The following RALGAPB variants were observed in gnomAD, a reference collection of about 807,000 sequenced individuals.
The protein encoded by RALGAPB is ral GTPase-activating protein subunit beta.
In RALGAPB, 25 loss-of-function variants were observed where a neutral mutation model predicts 161.1. The observed-to-expected ratio is 0.16, with a 90% CI of 0.11 to 0.22. RALGAPB has a LOEUF of 0.22. Ranked by LOEUF, RALGAPB falls within the 10% of genes least tolerant of loss-of-function variation. RALGAPB has a pLI of 1.00. For missense variants in RALGAPB, 1,391 were observed against 1,815.2 expected, an observed-to-expected ratio of 0.77 and a Z score of 4.25; for synonymous variants, 629 against 626.1, an observed-to-expected ratio of 1.00 and a Z score of -0.07.
chr20:38,497,266 T>G, intron 3 of RALGAPB, 87 bp from the exon 4 acceptor site: 1 of 1,270,254 alleles, frequency 7.9e-7, no homozygotes, highest in Non-Finnish European at 1.1e-6. Context: ...ATTGGACCAC[T>G]GCTTGCTACA....
At chr20:38,572,550 T>A (rs915846225) in intron 28 of RALGAPB, among the ~76,000 whole-genome samples, 6 of 152,220 alleles carry the variant, frequency 3.9e-5, no homozygotes, top group African/African-American at 1.4e-4. Flanking sequence ...CTTTTAGTTA[T>A]GTGAGCTGAT....
rs757043875 is a variant in RALGAPB at position 38,539,949 on chromosome 20, T to G, written c.2553T>G (p.Leu851=). 2.5e-6 allele frequency: 4 copies of G among 1,607,522 alleles called. No individual in the cohort carries two copies. The East Asian group carries it at 8.9e-5, about 36-fold the overall frequency. ...CVWLTEHPDM[L]DEKDCLKEVL... is the part of the protein sequence containing the mutation. ...GGCTGACAGAGCACCCTGATATGCT[T>G]GATGAAAAGGTGAGTTTATTTTATT... The change falls in exon 17 of 30, where the codon CTT becomes CTG. Residue 851 remains leucine (L), a synonymous_variant. Transcript: ENST00000262879.
chr20:38,537,452 A>G (rs1188136770), intron 16 of RALGAPB, among the ~76,000 whole-genome samples: 1 of 152,184 alleles, frequency 6.6e-6, no homozygotes, highest in Non-Finnish European at 1.5e-5. Flanking sequence ...CTTTGTCTCT[A>G]TTACATAAAA....
chr20:38,526,704 C>T (rs1051688725), intron 13 of RALGAPB, among the ~76,000 whole-genome samples: 5 of 152,090 alleles, frequency 3.3e-5, no homozygotes, highest in African/African-American at 9.7e-5. Flanking sequence ...TTAAACTCCC[C>T]GCTTTTTACA....
At chr20:38,495,543 A>T (rs1365084207) in intron 3 of RALGAPB, among the ~76,000 whole-genome samples, 1 of 152,164 alleles carries the variant, frequency 6.6e-6, no homozygotes. Context: ...CTGTGTTCCA[A>T]TACAACTTCA....
chr20:38,491,566 G>A (rs894088973), intron 2 of RALGAPB, among the ~76,000 whole-genome samples: 11 of 152,138 alleles, frequency 7.2e-5, no homozygotes, highest in Admixed American at 1.3e-4. Flanking sequence ...CCCGTTTGCC[G>A]GAGAACTCTG....
Position 38,562,685 on chromosome 20 carries a change from G to C in RALGAPB, c.3685G>C (p.Gly1229Arg). 1.2e-6 allele frequency: 2 copies of C among 1,607,504 alleles called. No individual in the cohort carries two copies. The highest frequency in any genetic ancestry group is 1.7e-6 in the Non-Finnish European group (2 of 1,178,128). Residue 1229 changes from glycine (G) to arginine (R), a missense_variant, in exon 24 of 30, where the codon GGA (glycine) becomes CGA (arginine). This residue lies in a region of RALGAPB where 436 missense variants were observed against 527.0 expected (regional missense o/e 0.83). Coordinates refer to ENST00000262879, the MANE Select transcript of RALGAPB (RefSeq NM_020336.4). Reference sequence around the variant, plus strand: ...TATTAATTGTTGTGATGATGGTGAAGGATCTCAACAAGGTAAAACTCACAG... The same window carrying C: ...TATTAATTGTTGTGATGATGGTGAACGATCTCAACAAGGTAAAACTCACAG... ...WSINCCDDGE[G>R]SQQEVISSED...
Position 38,492,931 on chromosome 20 carries a change from TA to T in RALGAPB, c.192del (p.Lys64AsnfsTer6). The T allele has an allele frequency of 1.2e-6, 2 of 1,601,218 alleles. No homozygotes were observed. Among genetic ancestry groups the T allele is most frequent in the Non-Finnish European group, 1.7e-6 (2 of 1,168,574 alleles). Reference sequence around the variant, plus strand: ...ATATGGATATTTTCTTTTGTCTAGGTAAAATGGACCATGGAAGTAATTTGCT... The same window carrying T: ...ATATGGATATTTTCTTTTGTCTAGGTAAATGGACCATGGAAGTAATTTGCT... The part of the protein sequence containing the change: ...SENLLKTDKE[V>X]KWTMEVICYG... On this transcript the variant is annotated frameshift_variant and splice_region_variant, in exon 3 of 30. Coordinates refer to ENST00000262879, the MANE Select transcript of RALGAPB (RefSeq NM_020336.4). LOFTEE classifies it high-confidence loss of function.
intron 9 of RALGAPB, among the ~76,000 whole-genome samples, chr20:38,518,744 T>C (rs1159619979): frequency 1.3e-5 from 2 of 152,204 alleles, no homozygotes; most frequent in African/African-American, 4.8e-5. Context: ...CTGGCATTTA[T>C]TGAGCTGCTG....
At chr20:38,530,891 A>T (rs1479273661) in intron 13 of RALGAPB, among the ~76,000 whole-genome samples, 12 of 141,250 alleles carry the variant, frequency 8.5e-5, no homozygotes, top group South Asian at 2.2e-4. Flanking sequence ...GTGCCTGGCC[A>T]TTTTTTTTTT....
chr20:38,556,327 A>G (rs55709539), intron 22 of RALGAPB, among the ~76,000 whole-genome samples: 2,763 of 152,254 alleles, frequency 0.018, 79 homozygotes, highest in African/African-American at 0.062. Context: ...TCCTGCGATG[A>G]TAAATTCTTA....
chr20:38,495,478 TCTG>T (rs1408625874), intron 3 of RALGAPB, among the ~76,000 whole-genome samples: 1 of 152,228 alleles, frequency 6.6e-6, no homozygotes, highest in Non-Finnish European at 1.5e-5. Flanking sequence ...ATTAGTCAGT[TCTG>T]CTGGTGTGGC....
chr20:38,472,909 C>G lies in RALGAPB; in HGVS notation c.-191C>G, dbSNP rs1021897693. ...GTGGCCTTCGTCGTCCCTTGGCGCCCTGGGAGAGTCGCTGACGGGTGGACT... is the reference window on the plus strand; with the variant it reads ...GTGGCCTTCGTCGTCCCTTGGCGCCGTGGGAGAGTCGCTGACGGGTGGACT... On this transcript the variant is annotated 5_prime_UTR_variant, in exon 1 of 30. Transcript: ENST00000262879. The G allele has an allele frequency of 1.8e-5, 7 of 398,868 alleles. No individual in the cohort carries two copies. Among genetic ancestry groups the G allele is most frequent in the African/African-American group, 6.2e-5 (3 of 48,642 alleles). 24.7% of individuals were successfully genotyped at this position (398,868 alleles called of 1,614,324 possible).
intron 22 of RALGAPB, among the ~76,000 whole-genome samples, chr20:38,556,841 A>C (rs940899702): frequency 1.3e-5 from 2 of 152,218 alleles, no homozygotes; most frequent in African/African-American, 4.8e-5. Flanking sequence ...TGAAAACTGG[A>C]AAATTTTTTA....
chr20:38,565,588 C>T (rs559631346), intron 25 of RALGAPB, 110 bp downstream of exon 25: 3 of 1,299,424 alleles, frequency 2.3e-6, no homozygotes, highest in Middle Eastern at 2.0e-4. Context: ...CATTCTTTAG[C>T]TTCTAAGGCA....
Position 38,577,726 on chromosome 20 carries a change from C to CAA in RALGAPB, c.*2760_*2761insAA, listed in dbSNP as rs1461787571. ...ACACACACACACACACACACACACA[C>CAA]ACACACTCGCATACTCATGCACATT... is the stretch of plus-strand genomic sequence containing the variant. On this transcript the variant is annotated 3_prime_UTR_variant, in exon 30 of 30. Coordinates refer to ENST00000262879, the MANE Select transcript of RALGAPB (RefSeq NM_020336.4). The CAA allele has an allele frequency of 6.5e-6, 1 of 152,908 alleles. No homozygotes were observed. The highest frequency in any genetic ancestry group is 2.4e-5 in the African/African-American group (1 of 41,374). 9.5% of individuals were successfully genotyped at this position (152,908 alleles called of 1,614,324 possible).
intron 5 of RALGAPB, among the ~76,000 whole-genome samples, chr20:38,502,712 C>T (rs1014844684): frequency 1.3e-5 from 2 of 152,184 alleles, no homozygotes; most frequent in Non-Finnish European, 2.9e-5. Context: ...AAGTGATTCT[C>T]GTGCCTCAGC....
chr20:38,490,517 A>G (rs2085249619), intron 2 of RALGAPB, among the ~76,000 whole-genome samples: 1 of 132,346 alleles, frequency 7.6e-6, no homozygotes, highest in Non-Finnish European at 1.6e-5. Context: ...CTATTTATTT[A>G]TTTTTTGAGA....
At chr20:38,549,573 CACACAT>C (rs1321299669) in intron 20 of RALGAPB, among the ~76,000 whole-genome samples, 3 of 95,234 alleles carry the variant, frequency 3.2e-5, no homozygotes, top group African/African-American at 8.3e-5. Flanking sequence ...TACACACACA[CACACAT>C]ACATATACAC....
Sources: gnomAD v4.1 joint callset for allele counts (sites outside exome capture counted in the v4.1 genomes callset) on GRCh38, gnomAD v4.1.1 for gene constraint, gnomAD v4.1.1 regional missense constraint, MANE v1.5 for transcripts, NCBI Gene and HGNC (gene_info 2026-07-23, HGNC 2026-07-21) for gene names.